Variants in ADARB2 observed in about 807,000 individuals in gnomAD.
The protein encoded by ADARB2 is adenosine deaminase RNA specific B2 (inactive).
In ADARB2, 25 loss-of-function variants were observed where a neutral mutation model predicts 62.2. That is an observed-to-expected ratio of 0.40 (90% CI 0.29 to 0.56). ADARB2 has a LOEUF of 0.56. ADARB2 is among the 20% of genes least tolerant of loss of function. The pLI, the probability that ADARB2 is intolerant of heterozygous loss-of-function variation, is 0.43. For synonymous variants in ADARB2, 572 were observed against 500.8 expected (o/e 1.14, Z -1.90); for missense variants, 1,071 against 1,077.4 (o/e 0.99, Z 0.08).
intron 1 of ADARB2, among the ~76,000 whole-genome samples, chr10:1,509,982 C>T (rs1033769486): frequency 4.6e-5 from 7 of 152,016 alleles, no homozygotes; most frequent in Non-Finnish European, 7.4e-5. Flanking sequence ...CCATTTGCTT[C>T]CCTTTCTTTT....
intron 1 of ADARB2, among the ~76,000 whole-genome samples, chr10:1,634,197 G>T (rs946040503): frequency 2.6e-5 from 4 of 152,208 alleles, no homozygotes; most frequent in African/African-American, 4.8e-5. Context: ...CAAGTAAGCA[G>T]GTCCTTCAGC....
intron 3 of ADARB2, among the ~76,000 whole-genome samples, chr10:1,319,823 CTAGT>C (rs1261162164): frequency 6.6e-6 from 1 of 151,742 alleles, no homozygotes; most frequent in Non-Finnish European, 1.5e-5. Flanking sequence ...GAATGCCTGG[CTAGT>C]TAGAGAGTCG....
intron 7 of ADARB2, among the ~76,000 whole-genome samples, chr10:1,206,779 C>T (rs1837073280): frequency 6.6e-6 from 1 of 152,190 alleles, no homozygotes; most frequent in African/African-American, 2.4e-5. Flanking sequence ...CCCCACTCAG[C>T]CCGGCCTCGT....
At chr10:1,633,533 C>T (rs1833867518) in intron 1 of ADARB2, among the ~76,000 whole-genome samples, 1 of 119,734 alleles carries the variant, frequency 8.4e-6, no homozygotes, top group Non-Finnish European at 2.0e-5. Flanking sequence ...GTCTGTCTGT[C>T]TGTCTGTCTA....
intron 1 of ADARB2, among the ~76,000 whole-genome samples, chr10:1,468,862 G>A (rs1213282985): frequency 6.6e-6 from 1 of 152,212 alleles, no homozygotes; most frequent in Non-Finnish European, 1.5e-5. Context: ...GTACTTTCTT[G>A]AATTGTTGAA....
At chr10:1,459,219 C>T (rs1237782868) in intron 1 of ADARB2, among the ~76,000 whole-genome samples, 11 of 152,240 alleles carry the variant, frequency 7.2e-5, no homozygotes, top group Middle Eastern at 3.4e-3. Context: ...TAAAGACGTA[C>T]GCACGTGTAT....
At chr10:1,250,817 G>A (rs930087314) in intron 4 of ADARB2, among the ~76,000 whole-genome samples, 7 of 152,188 alleles carry the variant, frequency 4.6e-5, no homozygotes, top group African/African-American at 1.7e-4. Context: ...GGCTAATGCT[G>A]GAGACAAGCC....
At chr10:1,346,050 G>A (rs73576615) in intron 3 of ADARB2, among the ~76,000 whole-genome samples, 12,757 of 145,398 alleles carry the variant, frequency 0.088, 1,032 homozygotes, top group African/African-American at 0.21. Context: ...AAAATGCCCT[G>A]TATTTTTTTA....
rs534771763 is a variant in ADARB2 at position 1,662,024 on chromosome 10, T to C, written c.100+75027A>G. Among the ~76,000 whole-genome samples the C allele has an allele frequency of 2.2e-4, 34 of 152,260 alleles. No homozygotes were observed. The East Asian group carries it at 5.8e-3, about 26-fold the overall frequency. On this transcript the variant is annotated intron_variant, in intron 1 of 9. Transcript: ENST00000381312. ...GCTGCTCCTCTCAGGGCATGTGCATTGAGCCCAGGAGTCCCCAGGGAGGTC... is the reference window on the plus strand; with the variant it reads ...GCTGCTCCTCTCAGGGCATGTGCATCGAGCCCAGGAGTCCCCAGGGAGGTC...
intron 3 of ADARB2, among the ~76,000 whole-genome samples, chr10:1,336,061 C>T (rs1446154452): frequency 6.6e-6 from 1 of 152,214 alleles, no homozygotes; most frequent in Non-Finnish European, 1.5e-5. Context: ...GATTTCTAAA[C>T]ATGTCCTCCA....
intron 1 of ADARB2, among the ~76,000 whole-genome samples, chr10:1,439,182 A>T (rs1192898257): frequency 8.1e-6 from 1 of 123,416 alleles, no homozygotes; most frequent in African/African-American, 3.5e-5. Context: ...GAGTCTCCTC[A>T]GCAGATGGAG....
chr10:1,581,327 C>T (rs1264243844), intron 1 of ADARB2, among the ~76,000 whole-genome samples: 1 of 152,266 alleles, frequency 6.6e-6, no homozygotes, highest in Non-Finnish European at 1.5e-5. Flanking sequence ...CCCAGTTCCA[C>T]TGGAGCTGGG....
At chr10:1,402,204 G>C (rs773780123) in intron 1 of ADARB2, among the ~76,000 whole-genome samples, 1 of 152,196 alleles carries the variant, frequency 6.6e-6, no homozygotes, top group Admixed American at 6.5e-5. Context: ...CAGGATGAGG[G>C]GTAGGGAAGG....
At chr10:1,585,707 T>C (rs767124521) in intron 1 of ADARB2, among the ~76,000 whole-genome samples, 4 of 152,220 alleles carry the variant, frequency 2.6e-5, no homozygotes, top group South Asian at 2.1e-4. Flanking sequence ...CAGACTGATA[T>C]TGATTGATGT....
intron 7 of ADARB2, among the ~76,000 whole-genome samples, chr10:1,202,259 T>TG (rs1169657845): frequency 1.1e-4 from 17 of 151,508 alleles, no homozygotes; most frequent in African/African-American, 3.4e-4. Context: ...TGTGTGTGTG[T>TG]TTTTTTTAGA....
At position 1,234,196 on chromosome 10, in the gene ADARB2, C is replaced by T. The variant is rs559343941; in HGVS notation, c.1362-351G>A. Among the ~76,000 whole-genome samples, 35 of 151,864 alleles carry T rather than the reference C, an allele frequency of 2.3e-4. No individual in the cohort carries two copies. In the South Asian group the frequency reaches 3.1e-3, roughly 14 times the overall value. ...TAGATACAGGGTTTCACCATGTTGG[C>T]CAGGTTTGTCTTGAACTCCCAGCCT... On this transcript the variant is annotated intron_variant, in intron 5 of 9. Coordinates refer to ENST00000381312, the MANE Select transcript of ADARB2 (RefSeq NM_018702.4).
At chr10:1,622,008 A>T (rs1267893223) in intron 1 of ADARB2, among the ~76,000 whole-genome samples, 1 of 152,244 alleles carries the variant, frequency 6.6e-6, no homozygotes, top group African/African-American at 2.4e-5. Flanking sequence ...GGTAATCTAG[A>T]TAAATTGAAC....
intron 1 of ADARB2, among the ~76,000 whole-genome samples, chr10:1,678,775 T>C (rs958543904): frequency 6.6e-6 from 1 of 151,928 alleles, no homozygotes; most frequent in African/African-American, 2.4e-5. Flanking sequence ...CCCTTCCACA[T>C]CTCGGCTGTT....
chr10:1,552,508 T>C (rs2676763), intron 1 of ADARB2, among the ~76,000 whole-genome samples: 141,552 of 152,256 alleles, frequency 0.93, 66,341 homozygotes, highest in East Asian at 1. Flanking sequence ...CTGTCCTGCC[T>C]GGCACTCAGT....
Sources: gnomAD v4.1 joint callset for allele counts (sites outside exome capture counted in the v4.1 genomes callset) on GRCh38, gnomAD v4.1.1 for gene constraint, MANE v1.5 for transcripts, NCBI Gene and HGNC (gene_info 2026-07-23, HGNC 2026-07-21) for gene names.